PIGL: variants seen among roughly 807,000 people sequenced by gnomAD.
PIGL encodes the protein N-acetylglucosaminyl-phosphatidylinositol de-N-acetylase.
PIGL carries 22 observed loss-of-function variants against 31.1 expected under a neutral mutation model. That is an observed-to-expected ratio of 0.71 (90% CI 0.51 to 1.01). The LOEUF (loss-of-function observed/expected upper bound fraction) is 1.01, where lower values mean the gene tolerates loss of function less well. Among genes scored for constraint, PIGL ranks in the 50% least tolerant of loss-of-function variants. PIGL has a pLI of 0.00. For synonymous variants in PIGL, 131 were observed against 117.4 expected (o/e 1.12, Z -0.75); for missense variants, 302 against 315.9 (o/e 0.96, Z 0.33).
intron 6 of PIGL, among the ~76,000 whole-genome samples, chr17:16,318,748 T>C (rs2093089782): frequency 6.6e-6 from 1 of 150,422 alleles, no homozygotes; most frequent in Non-Finnish European, 1.5e-5. Flanking sequence ...CTGGCCAACA[T>C]GTTGAAACCC....
At chr17:16,279,887 G>A (rs376084600) in intron 2 of PIGL, 1 of 152,226 alleles carries the variant, frequency 6.6e-6, no homozygotes, top group East Asian at 1.9e-4. Context: ...TGTGATTCTG[G>A]GTTGACCTTG....
At chr17:16,240,734 C>G (rs1308546552) in intron 2 of PIGL, among the ~76,000 whole-genome samples, 2 of 151,870 alleles carry the variant, frequency 1.3e-5, no homozygotes, top group African/African-American at 4.8e-5. Context: ...CTCCTGGACT[C>G]AAGCAGTCTC....
chr17:16,228,142 C>T (rs557927854), intron 1 of PIGL, among the ~76,000 whole-genome samples: 12 of 150,688 alleles, frequency 8.0e-5, no homozygotes, highest in African/African-American at 2.7e-4. Flanking sequence ...ACCTCCGCCT[C>T]CCAGGTTCAA....
intron 2 of PIGL, among the ~76,000 whole-genome samples, chr17:16,274,714 A>T (rs2092886811): frequency 6.8e-6 from 1 of 148,044 alleles, no homozygotes. Context: ...CAAGAGCAAG[A>T]CTACGTCTCA....
At chr17:16,237,163 A>G (rs2092702858) in intron 2 of PIGL, among the ~76,000 whole-genome samples, 1 of 130,508 alleles carries the variant, frequency 7.7e-6, no homozygotes, top group Non-Finnish European at 1.5e-5. Context: ...GCTGGAGTGC[A>G]GTGGTGCCAT....
At chr17:16,303,485 T>G (rs1296726600) in intron 3 of PIGL, among the ~76,000 whole-genome samples, 1 of 152,168 alleles carries the variant, frequency 6.6e-6, no homozygotes, top group Non-Finnish European at 1.5e-5. Context: ...TTCAATTGAT[T>G]TAATTGCTAT....
chr17:16,282,003 G>A (rs201427142), intron 2 of PIGL: 4 of 509,508 alleles, frequency 7.9e-6, no homozygotes, highest in Non-Finnish European at 4.1e-6. Flanking sequence ...TGTCCATGGG[G>A]GCACTGCTAA....
intron 6 of PIGL, among the ~76,000 whole-genome samples, chr17:16,320,505 G>A (rs998228228): frequency 7.6e-6 from 1 of 130,832 alleles, no homozygotes; most frequent in South Asian, 2.5e-4. Context: ...GAAAGCGGGA[G>A]AGAGAGAGAG....
chr17:16,297,865 G>A (rs2092989127), intron 2 of PIGL, among the ~76,000 whole-genome samples: 1 of 152,206 alleles, frequency 6.6e-6, no homozygotes, highest in Non-Finnish European at 1.5e-5. Context: ...CCAGGCTGCA[G>A]ACCAGTACAG....
At chr17:16,317,292 A>G (rs1358779720) in intron 5 of PIGL, 13 of 1,001,528 alleles carry the variant, frequency 1.3e-5, no homozygotes, top group Non-Finnish European at 1.6e-5. Context: ...ACTTTGGAAC[A>G]TGACTATAGT....
chr17:16,291,986 AG>A (rs1350825260), intron 2 of PIGL, among the ~76,000 whole-genome samples: 1 of 152,008 alleles, frequency 6.6e-6, no homozygotes, highest in African/African-American at 2.4e-5. Context: ...AGGATTAAAA[AG>A]TAGATAATAT....
intron 1 of PIGL, among the ~76,000 whole-genome samples, chr17:16,222,181 G>A (rs1311647357): frequency 1.3e-5 from 2 of 152,068 alleles, no homozygotes; most frequent in Non-Finnish European, 2.9e-5. Flanking sequence ...AAGCTATGAT[G>A]TTTTGATGGA....
intron 2 of PIGL, among the ~76,000 whole-genome samples, chr17:16,235,517 G>A (rs1423224766): frequency 6.9e-6 from 1 of 145,762 alleles, no homozygotes; most frequent in Non-Finnish European, 1.5e-5. Context: ...TGCCATCTCG[G>A]CTCACTGCAA....
chr17:16,268,137 C>T (rs958524210), intron 2 of PIGL, among the ~76,000 whole-genome samples: 4 of 152,026 alleles, frequency 2.6e-5, no homozygotes, highest in Admixed American at 1.3e-4. Context: ...GGAAAGTTCT[C>T]CTGAAGATGA....
intron 2 of PIGL, among the ~76,000 whole-genome samples, chr17:16,268,117 T>G (rs530370270): frequency 5.3e-5 from 8 of 152,270 alleles, no homozygotes; most frequent in Non-Finnish European, 1.0e-4. Context: ...TTGTCTAACC[T>G]GAGATTTAGG....
At chr17:16,229,108 A>C (rs1397378891) in intron 1 of PIGL, among the ~76,000 whole-genome samples, 3 of 151,898 alleles carry the variant, frequency 2.0e-5, no homozygotes, top group African/African-American at 7.3e-5. Flanking sequence ...TCGTCTTTAC[A>C]AAAAATAAAA....
At chr17:16,300,449 G>A (rs1033459241) in intron 3 of PIGL, among the ~76,000 whole-genome samples, 15 of 152,208 alleles carry the variant, frequency 9.9e-5, no homozygotes, top group Admixed American at 3.3e-4. Context: ...GGGAGGCCGA[G>A]TTGGACGGAT....
intron 2 of PIGL, among the ~76,000 whole-genome samples, chr17:16,269,510 G>A (rs922913953): frequency 6.6e-6 from 1 of 152,128 alleles, no homozygotes; most frequent in Non-Finnish European, 1.5e-5. Context: ...AATTAGCTGG[G>A]TGTGTTGGCA....
At chr17:16,247,728 CTCTT>C (rs2092754597) in intron 2 of PIGL, among the ~76,000 whole-genome samples, 1 of 152,184 alleles carries the variant, frequency 6.6e-6, no homozygotes, top group Non-Finnish European at 1.5e-5. Context: ...GTCCTGTAGA[CTCTT>C]AAGTCCAGCA....
Sources: allele counts gnomAD v4.1 joint callset (sites outside exome capture counted in the v4.1 genomes callset), GRCh38; gene constraint gnomAD v4.1.1; transcripts MANE v1.5; gene names NCBI Gene and HGNC (gene_info 2026-07-23, HGNC 2026-07-21).